The following PAPPA variants were observed in gnomAD, a reference collection of about 807,000 sequenced individuals.
PAPPA encodes pappalysin-1.
A neutral mutation model predicts 164.0 loss-of-function variants in PAPPA; 60 were observed. The ratio of observed to expected loss-of-function variants is 0.37; its 90% CI spans 0.30 to 0.45. The LOEUF is 0.45. Ranked by LOEUF, PAPPA falls within the 20% of genes least tolerant of loss-of-function variation. PAPPA has a pLI of 1.00. For synonymous variants in PAPPA, 875 were observed against 814.1 expected (o/e 1.07, Z -1.27); for missense variants, 1,782 against 2,087.3 (o/e 0.85, Z 2.85).
chr9:116,338,704 C>G (rs1438147917), intron 13 of PAPPA, among the ~76,000 whole-genome samples: 1 of 152,202 alleles, frequency 6.6e-6, no homozygotes, highest in Non-Finnish European at 1.5e-5. Flanking sequence ...ACAAATGGAA[C>G]TGCTGTGCCT....
In PAPPA at chr9:116,326,834, A is replaced by G. The variant is rs577380948; in HGVS notation, c.3148-4410A>G. ...TACTTCATATTAAGTGAGCTAATGC[A>G]GTATTTGTTTTCCATGTCTGGCTTA... On this transcript the variant is annotated intron_variant, in intron 10 of 21. Transcript: ENST00000328252. Among the ~76,000 whole-genome samples the G allele has an allele frequency of 9.2e-5, 14 of 152,356 alleles. No homozygotes were observed. The South Asian group carries it at 2.5e-3, about 27-fold the overall frequency.
chr9:116,243,412 C>CT (rs371224996), intron 7 of PAPPA, among the ~76,000 whole-genome samples: 379 of 152,280 alleles, frequency 2.5e-3, no homozygotes, highest in Non-Finnish European at 4.5e-3. Flanking sequence ...ATGCTCAGTA[C>CT]TTTTTTATAA....
intron 11 of PAPPA, 32 bp from the exon 12 acceptor site, chr9:116,332,301 C>A (rs1312592629): frequency 6.2e-7 from 1 of 1,602,066 alleles, no homozygotes; most frequent in Non-Finnish European, 8.5e-7. Flanking sequence ...ACTGAGTGCA[C>A]ATGTGACCCT....
chr9:116,397,124 AG>A lies in PAPPA; in HGVS notation c.*509del, dbSNP rs1452508700. ...GCTAAGACCAAGTGTGGAGATGTCAAGCTAGTTCACACTCTGAGGCTCAGAA... is the reference window on the plus strand; with the variant it reads ...GCTAAGACCAAGTGTGGAGATGTCAACTAGTTCACACTCTGAGGCTCAGAA... On this transcript the variant is annotated 3_prime_UTR_variant, in exon 22 of 22. Transcript: ENST00000328252. 6.5e-6 allele frequency: 1 copy of A among 154,498 alleles called. No homozygotes were observed. The highest frequency in any genetic ancestry group is 6.4e-5 in the Admixed American group (1 of 15,540). The allele number at this position is 154,498 out of a possible 1,614,324, so 9.6% of individuals were successfully genotyped here. A position where few individuals can be genotyped will look rare whatever the true frequency, so the allele number is the denominator to read the frequency against.
intron 5 of PAPPA, among the ~76,000 whole-genome samples, chr9:116,226,653 A>G (rs1427660955): frequency 6.6e-6 from 1 of 152,226 alleles, no homozygotes; most frequent in East Asian, 1.9e-4. Flanking sequence ...CCTTCTCCAC[A>G]ACTGCCTCAT....
At position 116,288,152 on chromosome 9, in the gene PAPPA, C is replaced by G. The variant is rs376306774; in HGVS notation, c.2954-14605C>G. Reference sequence around the variant, plus strand: ...CTGGGAGGCTGAAATGGGCGGATCACGAGGTCAGGAGTTTAAGACAAGCCT... The same window carrying G: ...CTGGGAGGCTGAAATGGGCGGATCAGGAGGTCAGGAGTTTAAGACAAGCCT... On this transcript the variant is annotated intron_variant, in intron 9 of 21. Transcript: ENST00000328252. 6.5e-4 allele frequency among the ~76,000 whole-genome samples: 99 copies of G among 152,260 alleles called. No homozygotes were observed. The East Asian group carries it at 8.9e-3, about 14-fold the overall frequency.
rs150945330 is a variant in PAPPA, at chr9:116,374,030, T to C, written c.4606-3546T>C. ...AGGATGAGGATACTGATGGTGATGA[T>C]GATATTGACGTTGGTGGAGGTGGTG... On this transcript the variant is annotated intron_variant, in intron 19 of 21. Coordinates refer to ENST00000328252, the MANE Select transcript of PAPPA (RefSeq NM_002581.5). Among the ~76,000 whole-genome samples, 62 of 151,438 alleles carry C rather than the reference T, an allele frequency of 4.1e-4. No individual in the cohort carries two copies. The East Asian group carries it at 9.7e-3, about 24-fold the overall frequency.
intron 4 of PAPPA, among the ~76,000 whole-genome samples, chr9:116,219,267 C>T (rs1844413154): frequency 6.6e-6 from 1 of 152,208 alleles, no homozygotes; most frequent in Non-Finnish European, 1.5e-5. Flanking sequence ...ACAACCTTGA[C>T]TCATACACTG....
At chr9:116,269,472 A>G (rs1845112856) in intron 8 of PAPPA, among the ~76,000 whole-genome samples, 1 of 152,222 alleles carries the variant, frequency 6.6e-6, no homozygotes, top group African/African-American at 2.4e-5. Flanking sequence ...TTGGCAAATT[A>G]CAGCCTCTTA....
intron 10 of PAPPA, among the ~76,000 whole-genome samples, chr9:116,316,058 T>C (rs1845784203): frequency 1.3e-5 from 2 of 152,110 alleles, no homozygotes; most frequent in Non-Finnish European, 2.9e-5. Context: ...AACAGGGAAG[T>C]CTAGAATTTG....
At chr9:116,223,548 G>A (rs374875422) in intron 5 of PAPPA, among the ~76,000 whole-genome samples, 3 of 152,252 alleles carry the variant, frequency 2.0e-5, no homozygotes, top group East Asian at 3.9e-4. Context: ...ATTCTGTTCA[G>A]TTTAAGATTT....
At chr9:116,287,079 T>G (rs559871112) in intron 9 of PAPPA, 1 of 152,328 alleles carries the variant, frequency 6.6e-6, no homozygotes, top group South Asian at 2.1e-4. Flanking sequence ...CCATTCAAAA[T>G]AGATTAACTG....
At chr9:116,246,896 C>T (rs1844803267) in intron 7 of PAPPA, among the ~76,000 whole-genome samples, 1 of 151,968 alleles carries the variant, frequency 6.6e-6, no homozygotes, top group African/African-American at 2.4e-5. Flanking sequence ...TGATGTGCAC[C>T]TGTGGTTCCA....
rs57113723 is a variant in PAPPA at position 116,199,948 on chromosome 9, T to C, written c.1479-7508T>C. Among the ~76,000 whole-genome samples the C allele has an allele frequency of 2.5e-3, 376 of 152,016 alleles. 3 individuals are homozygous for C. The highest frequency in any genetic ancestry group is 7.6e-3 in the African/African-American group (317 of 41,452). ...CCGACTCTCACCGGAATTAGTAGAGTAAGAACTCACTACCATGAGAATGAC... is the reference window on the plus strand; with the variant it reads ...CCGACTCTCACCGGAATTAGTAGAGCAAGAACTCACTACCATGAGAATGAC... On this transcript the variant is annotated intron_variant, in intron 2 of 21. Coordinates refer to ENST00000328252, the MANE Select transcript of PAPPA (RefSeq NM_002581.5).
chr9:116,320,865 A>G (rs1845846158), intron 10 of PAPPA, among the ~76,000 whole-genome samples: 1 of 152,182 alleles, frequency 6.6e-6, no homozygotes, highest in African/African-American at 2.4e-5. Flanking sequence ...AGAGGGAAGC[A>G]GGGATAGAAG....
chr9:116,268,386 TG>T (rs1845096491), intron 8 of PAPPA, among the ~76,000 whole-genome samples: 1 of 152,200 alleles, frequency 6.6e-6, no homozygotes, highest in African/African-American at 2.4e-5. Flanking sequence ...GATGGAACAT[TG>T]AACAACTAAA....
chr9:116,289,386 GTATATATAGCTATA>G (rs1845405946), intron 9 of PAPPA, among the ~76,000 whole-genome samples: 2 of 47,972 alleles, frequency 4.2e-5, no homozygotes, highest in Non-Finnish European at 9.3e-5. Context: ...TATAGCATAT[GTATATATAGCTATA>G]TATATATAGC....
At chr9:116,279,457 C>G (rs530863845) in intron 9 of PAPPA, among the ~76,000 whole-genome samples, 1 of 152,184 alleles carries the variant, frequency 6.6e-6, no homozygotes, top group African/African-American at 2.4e-5. Flanking sequence ...GGAGGCCTAC[C>G]CCACAGAGAG....
chr9:116,343,695 T>G (rs1303636394), intron 13 of PAPPA, among the ~76,000 whole-genome samples: 1 of 152,158 alleles, frequency 6.6e-6, no homozygotes, highest in African/African-American at 2.4e-5. Context: ...CTTTGCCAAC[T>G]AGGTAATAGA....
Sources: allele counts gnomAD v4.1 joint callset (sites outside exome capture counted in the v4.1 genomes callset), GRCh38; gene constraint gnomAD v4.1.1; transcripts MANE v1.5; gene names NCBI Gene and HGNC (gene_info 2026-07-23, HGNC 2026-07-21).